Variants in SHISA9 observed in about 807,000 individuals in gnomAD.
SHISA9 encodes protein shisa-9.
In SHISA9, 13 loss-of-function variants were observed where a neutral mutation model predicts 38.0. The observed-to-expected ratio is 0.34, with a 90% CI of 0.22 to 0.54. The LOEUF is 0.54. Ranked by LOEUF, SHISA9 falls within the 20% of genes least tolerant of loss-of-function variation. The pLI, the probability that SHISA9 is intolerant of heterozygous loss-of-function variation, is 0.91. For missense variants in SHISA9, 538 were observed against 575.8 expected, an observed-to-expected ratio of 0.93 and a Z score of 0.67; for synonymous variants, 275 against 242.0, an observed-to-expected ratio of 1.14 and a Z score of -1.27.
chr16:13,063,199 G>A (rs2073396330), intron 2 of SHISA9, among the ~76,000 whole-genome samples: 1 of 151,956 alleles, frequency 6.6e-6, no homozygotes, highest in African/African-American at 2.4e-5. Flanking sequence ...GTTGAGACGG[G>A]ATTTCACTGT....
chr16:13,492,936 C>G, the SHISA9 span, among the ~76,000 whole-genome samples: 1 of 152,058 alleles, frequency 6.6e-6, no homozygotes, highest in Admixed American at 6.6e-5. Flanking sequence ...GCCTCTGTGG[C>G]TAGAGAGAAG....
chr16:12,982,913 TG>T (rs2072259625), intron 2 of SHISA9, among the ~76,000 whole-genome samples: 3 of 152,236 alleles, frequency 2.0e-5, no homozygotes, highest in African/African-American at 7.2e-5. Context: ...GTCCTGATTC[TG>T]TAAGGTGAAA....
intron 2 of SHISA9, among the ~76,000 whole-genome samples, chr16:13,060,508 A>T (rs1264880854): frequency 2.6e-5 from 4 of 152,056 alleles, no homozygotes; most frequent in African/African-American, 9.7e-5. Flanking sequence ...GTGCTTGGGT[A>T]CAGCAAGCCT....
chr16:13,392,566 C>G, the SHISA9 span, among the ~76,000 whole-genome samples: 1 of 152,176 alleles, frequency 6.6e-6, no homozygotes, highest in African/African-American at 2.4e-5. Context: ...TTACAGATCA[C>G]TTAGAGGTCA....
Position 13,235,589 on chromosome 16 carries a change from C to G in SHISA9, c.*180C>G. 1 of 761,986 alleles carries G rather than the reference C, an allele frequency of 1.3e-6. No homozygotes were observed. The highest frequency in any genetic ancestry group is 2.0e-6 in the Non-Finnish European group (1 of 495,582). 47.2% of individuals were successfully genotyped at this position (761,986 alleles called of 1,614,324 possible). ...CGCTTTTCCTAGGTCATGCCTGTAA[C>G]GTGTCGGCGGGCAGCTGAGAAAGAC... is the stretch of plus-strand genomic sequence containing the variant. On this transcript the variant is annotated 3_prime_UTR_variant, in exon 5 of 5. Transcript: ENST00000558583.
rs539681503 is a variant in SHISA9, at chr16:12,967,208, G to A, written c.691+50393G>A. On this transcript the variant is annotated intron_variant, in intron 2 of 4. Coordinates refer to ENST00000558583, the MANE Select transcript of SHISA9 (RefSeq NM_001145204.3). The stretch of plus-strand genomic sequence containing the variant: ...GATTAAGAAAATGTGGCACATATAC[G>A]CCATGGAATACTATGCAGCCATAAA... Among the ~76,000 whole-genome samples, 72 of 152,182 alleles carry A rather than the reference G, an allele frequency of 4.7e-4. No homozygotes were observed. In the South Asian group the frequency reaches 6.4e-3, roughly 14 times the overall value.
chr16:13,015,729 G>A (rs534795408), intron 2 of SHISA9, among the ~76,000 whole-genome samples: 1 of 151,916 alleles, frequency 6.6e-6, no homozygotes, highest in Non-Finnish European at 1.5e-5. Context: ...GGAGATCAAA[G>A]GTTTCCGGAG....
the SHISA9 span, among the ~76,000 whole-genome samples, chr16:13,383,540 A>G: frequency 1.3e-5 from 2 of 152,226 alleles, no homozygotes; most frequent in East Asian, 1.9e-4. Context: ...GAAACTGGCA[A>G]TAGTGATGTC....
chr16:13,492,422 A>G, the SHISA9 span, among the ~76,000 whole-genome samples: 2 of 152,228 alleles, frequency 1.3e-5, no homozygotes, highest in African/African-American at 2.4e-5. Context: ...CTAAATGAGC[A>G]GATTAGAAAT....
the SHISA9 span, among the ~76,000 whole-genome samples, chr16:13,368,058 C>G: frequency 6.6e-6 from 1 of 152,244 alleles, no homozygotes; most frequent in Non-Finnish European, 1.5e-5. Flanking sequence ...TAAGCTTCCT[C>G]TAAAAAACCT....
chr16:13,019,820 CTTTCTTTCTTTCTTT>C (rs1386715873), intron 2 of SHISA9, among the ~76,000 whole-genome samples: 69 of 129,240 alleles, frequency 5.3e-4, no homozygotes, highest in African/African-American at 1.9e-3. Context: ...TTCTTTCTTT[CTTTCTTTCTTTCTTT>C]TTCCTTCCTT....
the SHISA9 span, among the ~76,000 whole-genome samples, chr16:13,373,237 A>AGTTT: frequency 6.6e-6 from 1 of 152,246 alleles, no homozygotes; most frequent in African/African-American, 2.4e-5. Flanking sequence ...AGGTTGAAAG[A>AGTTT]GTAATACAGC....
intron 2 of SHISA9, among the ~76,000 whole-genome samples, chr16:12,939,352 G>A (rs1448222982): frequency 1.3e-5 from 2 of 152,164 alleles, no homozygotes; most frequent in Non-Finnish European, 2.9e-5. Flanking sequence ...CCAAAGTGCT[G>A]GGATTATAGG....
chr16:13,253,177 TTTA>T, the SHISA9 span, among the ~76,000 whole-genome samples: 1 of 152,224 alleles, frequency 6.6e-6, no homozygotes, highest in Non-Finnish European at 1.5e-5. Context: ...ACTTGACTGT[TTTA>T]TTATTAGTAG....
At chr16:13,462,089 G>T in the SHISA9 span, among the ~76,000 whole-genome samples, 2 of 151,850 alleles carry the variant, frequency 1.3e-5, no homozygotes, top group African/African-American at 4.8e-5. Context: ...GAGCAACATA[G>T]TGAGACCCAC....
At chr16:13,028,883 G>T (rs539017450) in intron 2 of SHISA9, among the ~76,000 whole-genome samples, 1 of 152,252 alleles carries the variant, frequency 6.6e-6, no homozygotes, top group South Asian at 2.1e-4. Flanking sequence ...CCAGCTGGGG[G>T]TGTCAACACT....
At chr16:13,505,324 G>A in the SHISA9 span, among the ~76,000 whole-genome samples, 1 of 152,196 alleles carries the variant, frequency 6.6e-6, no homozygotes, top group Non-Finnish European at 1.5e-5. Context: ...CCTGGGAATG[G>A]TGCCCTTCTG....
At chr16:13,227,789 T>C (rs1357311762) in intron 4 of SHISA9, among the ~76,000 whole-genome samples, 1 of 152,126 alleles carries the variant, frequency 6.6e-6, no homozygotes, top group Non-Finnish European at 1.5e-5. Context: ...CCCCTTTGTG[T>C]GCCCTTTCAT....
chr16:13,113,784 A>G (rs905627547), intron 2 of SHISA9, among the ~76,000 whole-genome samples: 1 of 152,182 alleles, frequency 6.6e-6, no homozygotes, highest in Non-Finnish European at 1.5e-5. Context: ...ACACAATAGA[A>G]ACTAGAAAAA....
Sources: allele counts gnomAD v4.1 joint callset (sites outside exome capture counted in the v4.1 genomes callset), GRCh38; gene constraint gnomAD v4.1.1; transcripts MANE v1.5; gene names NCBI Gene and HGNC (gene_info 2026-07-23, HGNC 2026-07-21).